NTAQ1: variants seen among roughly 807,000 people sequenced by gnomAD.
The protein encoded by NTAQ1 is N-terminal glutamine amidase 1.
A neutral mutation model predicts 28.2 loss-of-function variants in NTAQ1; 21 were observed. That is an observed-to-expected ratio of 0.74 (90% confidence interval 0.53 to 1.07). The LOEUF (loss-of-function observed/expected upper bound fraction) is 1.07. Among genes scored for constraint, NTAQ1 ranks in the 50% least tolerant of loss-of-function variants. NTAQ1 has a pLI of 0.00. For missense variants in NTAQ1, 264 were observed against 256.6 expected (o/e 1.03, Z -0.20); for synonymous variants, 105 against 90.0 (o/e 1.17, Z -0.94).
intron 6 of NTAQ1, among the ~76,000 whole-genome samples, chr8:123,453,730 A>G (rs189223840): frequency 1.2e-3 from 190 of 152,308 alleles, no homozygotes; most frequent in African/African-American, 4.0e-3. Context: ...CTGGCCCCAG[A>G]TAGCTCATCT....
chr8:123,462,164 G>T (rs537054624), intron 6 of NTAQ1, among the ~76,000 whole-genome samples: 1 of 152,146 alleles, frequency 6.6e-6, no homozygotes, highest in Admixed American at 6.5e-5. Context: ...TCATGCCTTA[G>T]CCTCCCGAGT....
At chr8:123,460,480 G>A (rs1239449419) in intron 6 of NTAQ1, among the ~76,000 whole-genome samples, 1 of 152,192 alleles carries the variant, frequency 6.6e-6, no homozygotes. Context: ...TCTTGTGCTG[G>A]TCTTGGGTCT....
chr8:123,440,766 G>C (rs943810965), intron 5 of NTAQ1, among the ~76,000 whole-genome samples: 86 of 152,234 alleles, frequency 5.6e-4, no homozygotes, highest in African/African-American at 1.9e-3. Flanking sequence ...CTCCCAAAGT[G>C]CTGGGATTAC....
chr8:123,464,374 C>T (rs1366092114), intron 6 of NTAQ1, among the ~76,000 whole-genome samples: 2 of 152,196 alleles, frequency 1.3e-5, no homozygotes, highest in Non-Finnish European at 1.5e-5. Context: ...GCAGGGACCA[C>T]AGCATCCATA....
intron 5 of NTAQ1, among the ~76,000 whole-genome samples, chr8:123,439,720 C>T (rs950328269): frequency 2.0e-5 from 3 of 151,842 alleles, no homozygotes; most frequent in Non-Finnish European, 4.4e-5. Context: ...GAACTCTTGG[C>T]CTCAGGTGAT....
intron 1 of NTAQ1, among the ~76,000 whole-genome samples, chr8:123,426,833 G>T (rs1586934118): frequency 6.6e-6 from 1 of 150,588 alleles, no homozygotes; most frequent in Non-Finnish European, 1.5e-5. Context: ...GGTGCTGCAC[G>T]CCTGTAATCC....
In NTAQ1 at chr8:123,427,372, C is replaced by T. The variant is rs1225674483; in HGVS notation, c.84-552C>T. The stretch of plus-strand genomic sequence containing the variant: ...GGTTCGAGCAATTCTCCTGCCTCAG[C>T]CTCCCAAGTAGCCGGGATTACAGGC... On this transcript the variant is annotated intron_variant, in intron 1 of 5. Transcript: ENST00000287387. Among the ~76,000 whole-genome samples the T allele has an allele frequency of 2.0e-5, 3 of 151,000 alleles. No homozygotes were observed. In the East Asian group the frequency reaches 5.9e-4, roughly 30 times the overall value.
intron 6 of NTAQ1, among the ~76,000 whole-genome samples, chr8:123,458,978 T>A (rs967616146): frequency 6.6e-6 from 1 of 151,870 alleles, no homozygotes; most frequent in Non-Finnish European, 1.5e-5. Context: ...CTCCGGAGGC[T>A]GAGGCAAAAG....
At chr8:123,418,170 G>T (rs927949137) in intron 1 of NTAQ1, among the ~76,000 whole-genome samples, 3 of 152,168 alleles carry the variant, frequency 2.0e-5, no homozygotes, top group Non-Finnish European at 4.4e-5. Context: ...AGCAGATAAG[G>T]CCCGGTGCGA....
At chr8:123,433,903 A>G (rs1309947827) in intron 3 of NTAQ1, among the ~76,000 whole-genome samples, 4 of 143,842 alleles carry the variant, frequency 2.8e-5, no homozygotes, top group Non-Finnish European at 6.0e-5. Context: ...ACTTTCTTAA[A>G]ACATTATGAA....
Position 123,439,984 on chromosome 8 carries a change from C to G in NTAQ1, c.509-1322C>G, listed in dbSNP as rs367974877. Among the ~76,000 whole-genome samples the G allele has an allele frequency of 2.0e-5, 3 of 151,092 alleles. No homozygotes were observed. The East Asian group carries it at 5.9e-4, about 30-fold the overall frequency. On this transcript the variant is annotated intron_variant, in intron 5 of 5. Coordinates refer to ENST00000287387, the MANE Select transcript of NTAQ1 (RefSeq NM_018024.3). ...AAAGAAAACAGACTTTAAATTAATG[C>G]ATGTTTTAGATACATGCATTATTGG...
At chr8:123,475,588 AT>A in the NTAQ1 span, among the ~76,000 whole-genome samples, 9 of 152,368 alleles carry the variant, frequency 5.9e-5, no homozygotes, top group African/African-American at 2.2e-4. Flanking sequence ...ATATATCTGT[AT>A]AACTATTAAG....
At chr8:123,468,396 C>G (rs1464541255) in exon 7 of NTAQ1, among the ~76,000 whole-genome samples, 1 of 152,204 alleles carries the variant, frequency 6.6e-6, no homozygotes, top group Non-Finnish European at 1.5e-5. Flanking sequence ...CCCCCACTAA[C>G]TGCCATTCTA....
downstream of NTAQ1, among the ~76,000 whole-genome samples, chr8:123,474,788 G>A (rs1816074116): frequency 1.3e-5 from 2 of 152,180 alleles, no homozygotes; most frequent in South Asian, 4.1e-4. Flanking sequence ...TTGGGAGGCT[G>A]AGGCAGGAGA....
At chr8:123,432,686 T>TG (rs1814469396) in intron 3 of NTAQ1, among the ~76,000 whole-genome samples, 1 of 2,966 alleles carries the variant, frequency 3.4e-4, no homozygotes, top group South Asian at 8.6e-3. Flanking sequence ...TTTATTTATG[T>TG]ATTTTTTTTT....
At position 123,437,257 on chromosome 8, in the gene NTAQ1, C is replaced by T; in HGVS notation, c.431C>T (p.Ser144Phe). The T allele has an allele frequency of 6.2e-7, 1 of 1,614,150 alleles. No individual in the cohort carries two copies. The highest frequency in any genetic ancestry group is 8.5e-7 in the Non-Finnish European group (1 of 1,180,020). Reference sequence around the variant, plus strand: ...GATTCATATTTGAAGAACTTTGCTTCTGACCGATCTCACATGAAAGACTCC... The same window carrying T: ...GATTCATATTTGAAGAACTTTGCTTTTGACCGATCTCACATGAAAGACTCC... ...RADSYLKNFA[S>F]DRSHMKDSSG... is the part of the protein sequence containing the mutation. Residue 144 changes from serine to phenylalanine, a missense_variant, in exon 5 of 6, where the codon TCT (serine) becomes TTT (phenylalanine). Transcript: ENST00000287387.
At chr8:123,460,767 T>C (rs1180796819) in intron 6 of NTAQ1, among the ~76,000 whole-genome samples, 1 of 151,460 alleles carries the variant, frequency 6.6e-6, no homozygotes, top group Admixed American at 6.6e-5. Flanking sequence ...TGGCAGGGGG[T>C]TGGGAGTGAA....
intron 1 of NTAQ1, among the ~76,000 whole-genome samples, chr8:123,417,901 G>A (rs1813405605): frequency 6.6e-6 from 1 of 152,090 alleles, no homozygotes; most frequent in Admixed American, 6.6e-5. Context: ...TCTAGCAAGT[G>A]GTGGTGCTGA....
At chr8:123,461,411 G>A (rs1815819560) in intron 6 of NTAQ1, among the ~76,000 whole-genome samples, 1 of 152,106 alleles carries the variant, frequency 6.6e-6, no homozygotes, top group Non-Finnish European at 1.5e-5. Context: ...CTGTCTCAAG[G>A]CATGCATTGG....
Sources: gnomAD v4.1 joint callset for allele counts (sites outside exome capture counted in the v4.1 genomes callset) on GRCh38, gnomAD v4.1.1 for gene constraint, MANE v1.5 for transcripts, NCBI Gene and HGNC (gene_info 2026-07-23, HGNC 2026-07-21) for gene names.